NELL1: variants seen among roughly 807,000 people sequenced by gnomAD.
The protein encoded by NELL1 is protein kinase C-binding protein NELL1.
Under a neutral mutation model 107.4 loss-of-function variants are expected in NELL1, and 76 were observed. The ratio of observed to expected loss-of-function variants is 0.71; its 90% CI spans 0.59 to 0.86. NELL1 has a LOEUF of 0.86. NELL1 is among the 40% of genes least tolerant of loss of function. NELL1 has a pLI of 0.00. For missense variants in NELL1, 1,024 were observed against 1,005.5 expected (o/e 1.02, Z -0.25); for synonymous variants, 353 against 341.2 (o/e 1.03, Z -0.38).
chr11:20,744,374 C>T (rs1855956025), intron 2 of NELL1, among the ~76,000 whole-genome samples: 1 of 152,216 alleles, frequency 6.6e-6, no homozygotes, highest in South Asian at 2.1e-4. Flanking sequence ...TCAGACCAGT[C>T]TTCTCACTGT....
chr11:21,289,597 C>G (rs891808102), intron 14 of NELL1, among the ~76,000 whole-genome samples: 2 of 152,174 alleles, frequency 1.3e-5, no homozygotes, highest in African/African-American at 4.8e-5. Flanking sequence ...TTTGGGCAGA[C>G]AGGGAGCTAA....
chr11:21,481,754 C>T (rs982987458), intron 15 of NELL1, among the ~76,000 whole-genome samples: 1 of 152,162 alleles, frequency 6.6e-6, no homozygotes, highest in Non-Finnish European at 1.5e-5. Flanking sequence ...GCAATCTGGG[C>T]TAGCCCCACA....
chr11:20,731,575 G>A (rs920689985), intron 2 of NELL1, among the ~76,000 whole-genome samples: 2 of 152,196 alleles, frequency 1.3e-5, no homozygotes, highest in African/African-American at 4.8e-5. Context: ...ATGAGTGTGG[G>A]GATGTGCCTG....
chr11:21,062,816 G>GTTTGTTTA (rs1554963955), intron 12 of NELL1, among the ~76,000 whole-genome samples: 186 of 151,446 alleles, frequency 1.2e-3, no homozygotes, highest in African/African-American at 4.2e-3. Context: ...TTGTTTGTTT[G>GTTTGTTTA]TTTATTTATT....
At chr11:21,558,718 A>G (rs1436294085) in intron 16 of NELL1, among the ~76,000 whole-genome samples, 2 of 152,082 alleles carry the variant, frequency 1.3e-5, no homozygotes, top group Non-Finnish European at 2.9e-5. Flanking sequence ...ATGTCAAAGA[A>G]TATATAACTG....
At chr11:21,383,470 A>G (rs1054209590) in intron 15 of NELL1, among the ~76,000 whole-genome samples, 2 of 151,850 alleles carry the variant, frequency 1.3e-5, no homozygotes, top group African/African-American at 4.8e-5. Flanking sequence ...TCCAACTTAC[A>G]TAATATCTAA....
rs1565175620 is a variant in NELL1 at position 21,337,840 on chromosome 11, T to TTG, written c.1550-33013_1550-33012insTG. 9.1e-4 allele frequency among the ~76,000 whole-genome samples: 100 copies of TTG among 109,976 alleles called. 5 individuals are homozygous for TTG. In the South Asian group the frequency reaches 0.026, roughly 29 times the overall value. The allele number at this position is 109,976 out of a possible 152,430, so 72.1% of individuals were successfully genotyped here. ...TCCTTCTTTCTTTCTTTCTTTCTTTTCTTTCTTTCTTTCTTTCTTTCTTTC... is the reference window on the plus strand; with the variant it reads ...TCCTTCTTTCTTTCTTTCTTTCTTTTTGCTTTCTTTCTTTCTTTCTTTCTTTC... On this transcript the variant is annotated intron_variant, in intron 14 of 19. Transcript: ENST00000357134.
At chr11:21,416,156 G>C (rs1852514842) in intron 15 of NELL1, among the ~76,000 whole-genome samples, 1 of 152,066 alleles carries the variant, frequency 6.6e-6, no homozygotes, top group Non-Finnish European at 1.5e-5. Flanking sequence ...TGTGCTGAGA[G>C]CAAAGATTGT....
chr11:20,722,811 T>C (rs1350707806), intron 2 of NELL1, among the ~76,000 whole-genome samples: 2 of 152,196 alleles, frequency 1.3e-5, no homozygotes, highest in Admixed American at 6.5e-5. Flanking sequence ...TATCAGTCTA[T>C]TCTCACACTG....
At chr11:21,214,712 G>T (rs1857576250) in intron 13 of NELL1, among the ~76,000 whole-genome samples, 1 of 136,428 alleles carries the variant, frequency 7.3e-6, no homozygotes, top group Non-Finnish European at 1.5e-5. Context: ...ATGTAAAAAT[G>T]TATGTTCACA....
intron 15 of NELL1, among the ~76,000 whole-genome samples, chr11:21,532,396 A>G (rs1359493414): frequency 6.6e-6 from 1 of 152,252 alleles, no homozygotes. Flanking sequence ...TGTTCTTCCT[A>G]GAAATGTTCT....
At chr11:21,567,068 G>A (rs1856989603) in intron 17 of NELL1, among the ~76,000 whole-genome samples, 1 of 151,738 alleles carries the variant, frequency 6.6e-6, no homozygotes, top group African/African-American at 2.4e-5. Flanking sequence ...GTTGTGCAGC[G>A]ACCTTTTCTG....
At chr11:20,777,912 G>A (rs187658220) in intron 2 of NELL1, among the ~76,000 whole-genome samples, 37 of 152,258 alleles carry the variant, frequency 2.4e-4, no homozygotes, top group Non-Finnish European at 3.7e-4. Context: ...CTGCCTCTTG[G>A]TCTGCTTTGT....
chr11:21,345,893 C>G (rs959022109), intron 14 of NELL1, among the ~76,000 whole-genome samples: 1 of 152,186 alleles, frequency 6.6e-6, no homozygotes. Context: ...TACCTACTTG[C>G]AATCACAGTG....
intron 2 of NELL1, among the ~76,000 whole-genome samples, chr11:20,714,334 G>C (rs1464497083): frequency 2.0e-5 from 3 of 148,732 alleles, no homozygotes; most frequent in Admixed American, 1.4e-4. Flanking sequence ...CTCCTGAGTA[G>C]CTGGAACTAC....
chr11:21,057,388 A>G (rs943517375), intron 12 of NELL1, among the ~76,000 whole-genome samples: 1 of 151,982 alleles, frequency 6.6e-6, no homozygotes, highest in Non-Finnish European at 1.5e-5. Flanking sequence ...TTACCAGAGA[A>G]ATTTGTCAGT....
intron 5 of NELL1, among the ~76,000 whole-genome samples, chr11:20,916,808 G>A (rs1404612508): frequency 1.3e-5 from 2 of 151,854 alleles, no homozygotes; most frequent in African/African-American, 4.8e-5. Flanking sequence ...ATTTCAGTTT[G>A]GAGGCCTGTT....
intron 3 of NELL1, among the ~76,000 whole-genome samples, chr11:20,830,432 G>T (rs1436369640): frequency 6.6e-6 from 1 of 151,210 alleles, no homozygotes; most frequent in Non-Finnish European, 1.5e-5. Flanking sequence ...TGCCTCCTGG[G>T]TTCAAGCAAC....
At chr11:20,931,016 A>G (rs561988579) in intron 9 of NELL1, among the ~76,000 whole-genome samples, 1 of 152,282 alleles carries the variant, frequency 6.6e-6, no homozygotes, top group South Asian at 2.1e-4. Context: ...TCTGGGCTGG[A>G]GGGCTTTCAT....
Sources: allele counts gnomAD v4.1 joint callset (sites outside exome capture counted in the v4.1 genomes callset), GRCh38; gene constraint gnomAD v4.1.1; transcripts MANE v1.5; gene names NCBI Gene and HGNC (gene_info 2026-07-23, HGNC 2026-07-21).